The following LZTS3 variants were observed in gnomAD, a reference collection of about 807,000 sequenced individuals.
LZTS3 encodes the protein leucine zipper tumor suppressor family member 3.
Under a neutral mutation model 50.9 loss-of-function variants are expected in LZTS3, and 16 were observed. That is an observed-to-expected ratio of 0.31 (90% CI 0.21 to 0.48). The LOEUF (loss-of-function observed/expected upper bound fraction) is 0.48. Ranked by LOEUF, LZTS3 falls within the 20% of genes least tolerant of loss-of-function variation. The probability of loss-of-function intolerance (pLI) is 0.99; values close to 1 mark genes in which losing one functional copy is unlikely to be tolerated. For synonymous variants in LZTS3, 408 were observed against 410.6 expected (o/e 0.99, Z 0.08); for missense variants, 816 against 931.0 (o/e 0.88, Z 1.61).
intron 2 of LZTS3, 64 bp downstream of exon 2, chr20:3,167,674 G>A (rs2066849972): frequency 8.1e-6 from 8 of 986,798 alleles, no homozygotes; most frequent in Non-Finnish European, 9.6e-6. Flanking sequence ...CAGAAATTAG[G>A]GGAGGGAGAG....
intron 1 of LZTS3, among the ~76,000 whole-genome samples, chr20:3,169,940 C>G (rs1328142849): frequency 7.4e-6 from 1 of 135,800 alleles, no homozygotes; most frequent in African/African-American, 2.8e-5. Flanking sequence ...CATCAGTTTT[C>G]AAGGGTGCTG....
intron 2 of LZTS3, chr20:3,167,411 T>C (rs1400618253): frequency 1.5e-6 from 2 of 1,296,298 alleles, no homozygotes. Flanking sequence ...CAGGGCTCCA[T>C]GCACATAGCC....
intron 3 of LZTS3, 84 bp downstream of exon 3, chr20:3,166,621 A>G: frequency 6.6e-7 from 1 of 1,523,578 alleles, no homozygotes; most frequent in Non-Finnish European, 8.9e-7. Flanking sequence ...CCCAACCTCC[A>G]AGAAGGCCCA....
intron 1 of LZTS3, among the ~76,000 whole-genome samples, chr20:3,170,486 C>CAAAAAAAAAAAAAAAAAAAAAAAAAAAAA: frequency 1.4e-5 from 1 of 72,586 alleles, no homozygotes; most frequent in Non-Finnish European, 2.4e-5. Flanking sequence ...GAGACTACAT[C>CAAAAAAAAAAAAAAAAAAAAAAAAAAAAA]AAAAAAAAAA....
At position 3,165,687 on chromosome 20, in the gene LZTS3, A is replaced by G. The variant is rs762622553; in HGVS notation, c.1133T>C (p.Val378Ala). The G allele has an allele frequency of 3.2e-6, 5 of 1,578,012 alleles. No individual in the cohort carries two copies. The East Asian group carries it at 9.2e-5, about 29-fold the overall frequency. ...RQGCSGKLQQ[V>A]ARRAQRAQQG... ...CTGGGCGCGCTGGGCACGTCGGGCC[A>G]CCTGCTGTAGCTTCCCGCTGCAGCC... Residue 378 changes from valine to alanine, a missense_variant, in exon 4 of 5, where the codon GTG becomes GCG. Around this residue, in one of 3 missense-constraint regions of LZTS3, gnomAD observed 700 missense variants for 769.4 expected, o/e 0.91. Coordinates refer to ENST00000337576, the MANE Select transcript of LZTS3 (RefSeq NM_001365618.1). This position sits in a 1 kb window ranked among gnomAD's most constrained non-coding sequence, Gnocchi z 5.0.
intron 1 of LZTS3, among the ~76,000 whole-genome samples, chr20:3,172,785 G>A (rs1156733071): frequency 2.6e-5 from 4 of 152,232 alleles, no homozygotes; most frequent in African/African-American, 4.8e-5. Context: ...GGGAGAGCAG[G>A]AGGGGTTTCC....
Position 3,166,318 on chromosome 20 carries a change from C to G in LZTS3, c.502G>C (p.Val168Leu). The G allele has an allele frequency of 6.2e-7, 1 of 1,613,612 alleles. No individual in the cohort carries two copies. Among genetic ancestry groups the G allele is most frequent in the East Asian group, 2.2e-5 (1 of 44,880 alleles). ...LVRPSAFKPV[V>L]PKNFHSMQNL... ...TGCATGGAGTGGAAATTCTTGGGTA[C>G]GACAGGCTTGAAGGCCGACGGCCGA... The change falls in exon 4 of 5, where the codon GTA becomes CTA. Residue 168 changes from valine (V) to leucine (L), a missense_variant. Transcript: ENST00000337576.
chr20:3,164,624 G>A lies in LZTS3; in HGVS notation c.1852C>T (p.Gln618Ter). The change falls in exon 5 of 5, where the codon CAG (glutamine) becomes TAG (stop). Residue 618 changes from glutamine to a stop codon, truncating the protein, a stop_gained. Transcript: ENST00000337576. LOFTEE classifies it high-confidence loss of function. ...ATCTCCACGTAGCTCAGCTGCAGCT[G>A]CTTCTGGTACTCGATCACCTTCTCC... ...EKEKVIEYQK[Q>*]LQLSYVEMYQ... 1 of 1,613,024 alleles carries A rather than the reference G, an allele frequency of 6.2e-7. No homozygotes were observed. Among genetic ancestry groups the A allele is most frequent in the South Asian group, 1.1e-5 (1 of 90,906 alleles).
In LZTS3 at chr20:3,165,167, G is replaced by A. The variant is rs1367361264; in HGVS notation, c.1324-15C>T. On this transcript the variant is annotated splice_polypyrimidine_tract_variant and intron_variant, in intron 4 of 4. Transcript: ENST00000337576. The surrounding 1 kb of genome is among the most constrained non-coding windows in gnomAD (Gnocchi z 5.0). ...TTCTGGCACACCTGGGCAGGAACAG[G>A]TGAGAGGAGAAGCCAGGTAAAGGCA... is the stretch of plus-strand genomic sequence containing the variant. The A allele has an allele frequency of 6.6e-7, 1 of 1,526,266 alleles. No homozygotes were observed. Among genetic ancestry groups the A allele is most frequent in the Non-Finnish European group, 8.8e-7 (1 of 1,135,614 alleles). The allele number at this position is 1,526,266 out of a possible 1,614,324, so 94.5% of individuals were successfully genotyped here.
Position 3,166,782 on chromosome 20 carries a change from T to G in LZTS3, c.382A>C (p.Ser128Arg), listed in dbSNP as rs1043619191. 2 of 1,613,886 alleles carry G rather than the reference T, an allele frequency of 1.2e-6. No homozygotes were observed. The highest frequency in any genetic ancestry group is 1.7e-6 in the Non-Finnish European group (2 of 1,180,028). Residue 128 changes from serine (S) to arginine (R), a missense_variant, in exon 3 of 5, where the codon AGT (serine) becomes CGT (arginine). This residue lies in a region of LZTS3 where 700 missense variants were observed against 769.4 expected (regional missense o/e 0.91). Coordinates refer to ENST00000337576, the MANE Select transcript of LZTS3 (RefSeq NM_001365618.1). ...CGATACTGCGGTGGGGCTTTGTCAC[T>G]GCCACCACTGCTGCTGCTGCCTCCG... is the stretch of plus-strand genomic sequence containing the variant. ...SSGGSSSSGG[S>R]DKAPPQYREP...
At chr20:3,172,004 A>G (rs902125259) in intron 1 of LZTS3, among the ~76,000 whole-genome samples, 1 of 152,104 alleles carries the variant, frequency 6.6e-6, no homozygotes, top group Non-Finnish European at 1.5e-5. Flanking sequence ...AGCTAGGAAC[A>G]CTTGGGGTCT....
Position 3,165,019 on chromosome 20 carries a change from T to A in LZTS3, c.1457A>T (p.Glu486Val). The change falls in exon 5 of 5, where the codon GAG becomes GTG. Residue 486 changes from glutamate (E) to valine (V), a missense_variant. Physicochemically the swap from Glu to Val is moderately radical, Grantham distance 121. This residue lies in a region of LZTS3 where 700 missense variants were observed against 769.4 expected (regional missense o/e 0.91). Coordinates refer to ENST00000337576, the MANE Select transcript of LZTS3 (RefSeq NM_001365618.1). The surrounding 1 kb of genome is among the most constrained non-coding windows in gnomAD (Gnocchi z 5.0). ...QLREGRASLR[E>V]KEEQLLSLRD... ...CAGGCTGAGCAGCTGCTCCTCCTTC[T>A]CCCGCAGCGAAGCCCGGCCCTCCCG... 1 of 1,560,088 alleles carries A rather than the reference T, an allele frequency of 6.4e-7. No individual in the cohort carries two copies. Among genetic ancestry groups the A allele is most frequent in the Non-Finnish European group, 8.7e-7 (1 of 1,153,990 alleles).
Position 3,164,558 on chromosome 20 carries a change from G to T in LZTS3, c.1918C>A (p.Arg640Ser), listed in dbSNP as rs200420708. The T allele has an allele frequency of 2.5e-6, 4 of 1,608,254 alleles. No homozygotes were observed. The highest frequency in any genetic ancestry group is 3.4e-6 in the Non-Finnish European group (4 of 1,177,494). The change falls in exon 5 of 5, where the codon CGC becomes AGC. Residue 640 changes from arginine (R) to serine (S), a missense_variant. Physicochemically the swap from Arg to Ser is moderately radical, Grantham distance 110. Coordinates refer to ENST00000337576, the MANE Select transcript of LZTS3 (RefSeq NM_001365618.1). The stretch of plus-strand genomic sequence containing the variant: ...GTGCTTGCACCCCCTGCGGCCCCGC[G>T]CTCCCGCAGCCTGCGCTCCAGCTGC... Reference protein sequence around the residue: ...NQQLERRLRERGAAGGASTPT... With the variant: ...NQQLERRLRESGAAGGASTPT...
Position 3,164,555 on chromosome 20 carries a change from C to T in LZTS3, c.1921G>A (p.Gly641Arg), listed in dbSNP as rs755367408. 2.5e-6 allele frequency: 4 copies of T among 1,607,934 alleles called. No homozygotes were observed. The highest frequency in any genetic ancestry group is 1.1e-5 in the South Asian group (1 of 90,026). Residue 641 changes from glycine to arginine, a missense_variant, in exon 5 of 5, where the codon GGG becomes AGG. Around this residue, in one of 3 missense-constraint regions of LZTS3, gnomAD observed 107 missense variants for 130.4 expected, o/e 0.82. Coordinates refer to ENST00000337576, the MANE Select transcript of LZTS3 (RefSeq NM_001365618.1). ...GGCGTGCTTGCACCCCCTGCGGCCC[C>T]GCGCTCCCGCAGCCTGCGCTCCAGC... ...QQLERRLRERGAAGGASTPTP... is the reference protein window; with the variant it reads ...QQLERRLRERRAAGGASTPTP...
intron 1 of LZTS3, among the ~76,000 whole-genome samples, chr20:3,170,212 G>A (rs868458971): frequency 3.7e-4 from 57 of 152,076 alleles, no homozygotes; most frequent in African/African-American, 1.2e-3. Context: ...TACAAGTGCC[G>A]GATGCGGTGG....
At position 3,164,216 on chromosome 20, in the gene LZTS3, C is replaced by A. The variant is rs919745071; in HGVS notation, c.*238G>T. 35 of 438,198 alleles carry A rather than the reference C, an allele frequency of 8.0e-5. No homozygotes were observed. The highest frequency in any genetic ancestry group is 6.3e-5 in the Non-Finnish European group (16 of 253,788). The allele number at this position is 438,198 out of a possible 1,614,324, so 27.1% of individuals were successfully genotyped here. ...CTCCCCCACCACCTAGGATTGCCCC[C>A]ACTCACCCTGCCCTCCTCCTATTCC... On this transcript the variant is annotated 3_prime_UTR_variant, in exon 5 of 5. Coordinates refer to ENST00000337576, the MANE Select transcript of LZTS3 (RefSeq NM_001365618.1).
At chr20:3,167,673 GGGGA>G (rs2066850014) in intron 2 of LZTS3, 61 bp downstream of exon 2, 2 of 986,982 alleles carry the variant, frequency 2.0e-6, no homozygotes, top group Non-Finnish European at 2.4e-6. Flanking sequence ...TCAGAAATTA[GGGGA>G]GGGAGAGAAA....
At position 3,164,490 on chromosome 20, in the gene LZTS3, G is replaced by T; in HGVS notation, c.1986C>A (p.Pro662=). The change falls in exon 5 of 5, where the codon CCC becomes CCA. Residue 662 remains proline (P), a synonymous_variant. Coordinates refer to ENST00000337576, the MANE Select transcript of LZTS3 (RefSeq NM_001365618.1). ...TGGACTCAATGCGCTCGAGGCGGGA[G>T]GGGGTCCAGGCCTTCTTCTCCTCGC... is the stretch of plus-strand genomic sequence containing the variant. ...QHGEEKKAWT[P]SRLERIESTE... is the part of the protein sequence containing the mutation. 6.4e-7 allele frequency: 1 copy of T among 1,568,688 alleles called. No homozygotes were observed.
intron 1 of LZTS3, chr20:3,168,441 C>G (rs546833951): frequency 6.6e-6 from 1 of 152,518 alleles, no homozygotes; most frequent in African/African-American, 2.4e-5. Flanking sequence ...ACCAGGAAGA[C>G]TTCCCGGATT....
Sources: allele counts gnomAD v4.1 joint callset (sites outside exome capture counted in the v4.1 genomes callset), GRCh38; gene constraint gnomAD v4.1.1; regional missense constraint gnomAD v4.1.1; non-coding constraint Gnocchi (gnomAD v3.1); transcripts MANE v1.5; gene names NCBI Gene and HGNC (gene_info 2026-07-23, HGNC 2026-07-21).